CELF2: variants seen among roughly 807,000 people sequenced by gnomAD.
The protein encoded by CELF2 is CUGBP Elav-like family member 2.
CELF2 carries 8 observed loss-of-function variants against 62.6 expected under a neutral mutation model. The observed-to-expected ratio is 0.13, with a 90% CI of 0.07 to 0.23. The LOEUF (loss-of-function observed/expected upper bound fraction) is 0.23, where lower values mean the gene tolerates loss of function less well. Among genes scored for constraint, CELF2 ranks in the 10% least tolerant of loss-of-function variants. The pLI is 1.00. For missense variants in CELF2, 333 were observed against 671.0 expected (o/e 0.50, Z 5.56); for synonymous variants, 258 against 250.0 (o/e 1.03, Z -0.30).
In CELF2 at chr10:11,315,838, C is replaced by A. The variant is rs1006829756; in HGVS notation, c.1096+1580C>A. 6.6e-6 allele frequency among the ~76,000 whole-genome samples: 1 copy of A among 152,216 alleles called. No individual in the cohort carries two copies. Among genetic ancestry groups the A allele is most frequent in the Non-Finnish European group, 1.5e-5 (1 of 68,032 alleles). ...CCTTGTCCTTCACCTAGGTCGAGGA[C>A]GCGTGTGCTCGCACACATCCCCTCA... is the stretch of plus-strand genomic sequence containing the variant. On this transcript the variant is annotated intron_variant, in intron 10 of 12. Transcript: ENST00000633077. This position sits in a 1 kb window ranked among gnomAD's most constrained non-coding sequence, Gnocchi z 5.8.
intron 2 of CELF2, among the ~76,000 whole-genome samples, chr10:11,197,033 G>GAAAGAAAGA (rs1565231579): frequency 4.6e-5 from 1 of 21,868 alleles, no homozygotes; most frequent in South Asian, 8.7e-4. Flanking sequence ...AGAAAAGAAA[G>GAAAGAAAGA]AAAGAAAGAA....
chr10:10,716,268 G>A, the CELF2 span, among the ~76,000 whole-genome samples: 12 of 152,160 alleles, frequency 7.9e-5, no homozygotes, highest in East Asian at 1.9e-4. Context: ...CATTGAGGCC[G>A]GGCACAGTGG....
intron 1 of CELF2, among the ~76,000 whole-genome samples, chr10:10,908,837 G>C (rs1223077083): frequency 6.6e-6 from 1 of 152,188 alleles, no homozygotes; most frequent in African/African-American, 2.4e-5. Flanking sequence ...ACCCAGGCTA[G>C]AGTGCAGTGG....
At chr10:10,512,054 A>G in the CELF2 span, among the ~76,000 whole-genome samples, 19 of 152,348 alleles carry the variant, frequency 1.2e-4, no homozygotes, top group South Asian at 2.1e-3. Flanking sequence ...TATATTCCAG[A>G]AGGACTATGA....
At chr10:10,704,443 C>T in the CELF2 span, among the ~76,000 whole-genome samples, 1 of 152,102 alleles carries the variant, frequency 6.6e-6, no homozygotes, top group Non-Finnish European at 1.5e-5. Flanking sequence ...GGTTGAAATG[C>T]TTGAAATTAT....
At chr10:10,558,515 G>T in the CELF2 span, among the ~76,000 whole-genome samples, 21,101 of 151,906 alleles carry the variant, frequency 0.14, 1,616 homozygotes, top group East Asian at 0.23. Context: ...TTGTGTCTCT[G>T]CCCGGCTTTG....
the CELF2 span, among the ~76,000 whole-genome samples, chr10:10,469,465 G>T: frequency 2.0e-5 from 3 of 152,014 alleles, no homozygotes; most frequent in South Asian, 2.1e-4. Context: ...CATAAAGGAG[G>T]TGAAGTCCCC....
At chr10:10,745,312 C>T in the CELF2 span, among the ~76,000 whole-genome samples, 1 of 152,126 alleles carries the variant, frequency 6.6e-6, no homozygotes, top group Non-Finnish European at 1.5e-5. Flanking sequence ...ACCTTGATTT[C>T]TTACTAAATT....
the CELF2 span, among the ~76,000 whole-genome samples, chr10:10,500,808 C>T: frequency 6.6e-6 from 1 of 152,212 alleles, no homozygotes; most frequent in African/African-American, 2.4e-5. Flanking sequence ...CTCCTGCCTG[C>T]TCCTTAAGCC....
the CELF2 span, chr10:10,792,588 A>G: frequency 2.5e-5 from 10 of 394,058 alleles, no homozygotes; most frequent in African/African-American, 2.1e-5. Flanking sequence ...AAACAAAACC[A>G]AAAAAGACTG....
the CELF2 span, among the ~76,000 whole-genome samples, chr10:10,772,977 G>A: frequency 4.8e-3 from 731 of 152,230 alleles, 4 homozygotes; most frequent in African/African-American, 0.01. Flanking sequence ...CATGAGTAAC[G>A]TTTCATTAAA....
intron 2 of CELF2, among the ~76,000 whole-genome samples, chr10:10,986,712 A>C (rs927336151): frequency 1.3e-5 from 2 of 152,240 alleles, no homozygotes; most frequent in Non-Finnish European, 2.9e-5. Flanking sequence ...TGATGATGGC[A>C]CAACTGTAAC....
At chr10:11,133,891 C>T (rs543385055) in intron 1 of CELF2, among the ~76,000 whole-genome samples, 1 of 152,190 alleles carries the variant, frequency 6.6e-6, no homozygotes, top group Non-Finnish European at 1.5e-5. Flanking sequence ...ACTGTCCCCT[C>T]CCCAGCTTAG....
chr10:10,841,066 A>G (rs1261459963), intron 1 of CELF2, among the ~76,000 whole-genome samples: 1 of 152,176 alleles, frequency 6.6e-6, no homozygotes, highest in African/African-American at 2.4e-5. Context: ...TATATGTGCC[A>G]CATTTTCTTT....
intron 2 of CELF2, among the ~76,000 whole-genome samples, chr10:11,208,217 G>A (rs1205020335): frequency 6.6e-6 from 1 of 152,112 alleles, no homozygotes; most frequent in Non-Finnish European, 1.5e-5. Flanking sequence ...TAGAACTAGT[G>A]TAGGGACCAA....
upstream of CELF2, among the ~76,000 whole-genome samples, chr10:10,795,432 A>G (rs2054086513): frequency 1.3e-5 from 2 of 152,234 alleles, no homozygotes; most frequent in South Asian, 4.1e-4. Flanking sequence ...GCTGAAGTTT[A>G]TTAAGGCTGA....
chr10:10,654,862 T>A, the CELF2 span, among the ~76,000 whole-genome samples: 1 of 150,810 alleles, frequency 6.6e-6, no homozygotes, highest in Non-Finnish European at 1.5e-5. Flanking sequence ...TTGGAAGTTC[T>A]GGCCAGGGAA....
chr10:10,860,933 A>G (rs866655610), intron 1 of CELF2, among the ~76,000 whole-genome samples: 4 of 152,150 alleles, frequency 2.6e-5, no homozygotes, highest in Non-Finnish European at 4.4e-5. Flanking sequence ...TTTTTTATAT[A>G]TATAAAAGAC....
At chr10:10,561,960 G>A in the CELF2 span, among the ~76,000 whole-genome samples, 1 of 152,138 alleles carries the variant, frequency 6.6e-6, no homozygotes, top group African/African-American at 2.4e-5. Flanking sequence ...TCATAAGACT[G>A]GCTAGAGAGT....
Sources: gnomAD v4.1 joint callset for allele counts (sites outside exome capture counted in the v4.1 genomes callset) on GRCh38, gnomAD v4.1.1 for gene constraint, Gnocchi (gnomAD v3.1) non-coding constraint, MANE v1.5 for transcripts, NCBI Gene and HGNC (gene_info 2026-07-23, HGNC 2026-07-21) for gene names.